Variants in IL1RAPL1 observed in about 807,000 individuals in gnomAD.
The protein encoded by IL1RAPL1 is interleukin 1 receptor accessory protein like 1, also known as interleukin-1 receptor accessory protein-like 1.
Under a neutral mutation model 48.4 loss-of-function variants are expected in IL1RAPL1, and 3 were observed. The ratio of observed to expected loss-of-function variants is 0.06; its 90% CI spans 0.03 to 0.16. IL1RAPL1 has a LOEUF of 0.16. Among genes scored for constraint, IL1RAPL1 ranks in the 10% least tolerant of loss-of-function variants. The probability of loss-of-function intolerance (pLI) is 1.00; values close to 1 mark genes in which losing one functional copy is unlikely to be tolerated. For synonymous variants in IL1RAPL1, 185 were observed against 187.7 expected, an observed-to-expected ratio of 0.99 and a Z score of 0.12; for missense variants, 349 against 530.6, an observed-to-expected ratio of 0.66 and a Z score of 3.36.
At chrX:29,839,519 A>C (rs1267685293) in intron 6 of IL1RAPL1, among the ~76,000 whole-genome samples, 1 of 112,498 alleles carries the variant, frequency 8.9e-6, no homozygotes, top group East Asian at 2.8e-4. Context: ...CTATGCATTA[A>C]CCTGGAGGAT....
At chrX:29,280,123 T>C (rs1411886821) in intron 2 of IL1RAPL1, among the ~76,000 whole-genome samples, 1 of 112,533 alleles carries the variant, frequency 8.9e-6, no homozygotes. Context: ...ATCAAAATTA[T>C]AACTGTTTAA....
intron 2 of IL1RAPL1, among the ~76,000 whole-genome samples, chrX:28,899,160 C>T (rs762912182): frequency 9.0e-6 from 1 of 111,205 alleles, no homozygotes; most frequent in Non-Finnish European, 1.9e-5. Context: ...CAAACACTTA[C>T]AAGACCATTA....
chrX:29,498,691 C>G (rs758910804), intron 5 of IL1RAPL1, among the ~76,000 whole-genome samples: 1 of 110,862 alleles, frequency 9.0e-6, no homozygotes, highest in African/African-American at 3.3e-5. Flanking sequence ...TTAAATAACC[C>G]GTTATTTTAT....
intron 2 of IL1RAPL1, among the ~76,000 whole-genome samples, chrX:28,997,507 A>G (rs753579180): frequency 3.6e-5 from 4 of 111,174 alleles, no homozygotes; most frequent in Non-Finnish European, 7.6e-5. Flanking sequence ...TTTATCATTT[A>G]ATCTTATATG....
chrX:28,726,623 ATACT>A (rs1303655625), intron 1 of IL1RAPL1, among the ~76,000 whole-genome samples: 17 of 112,410 alleles, frequency 1.5e-4, no homozygotes, highest in Non-Finnish European at 2.6e-4. Flanking sequence ...ATAATAAATG[ATACT>A]TACTGAGTGC....
intron 3 of IL1RAPL1, among the ~76,000 whole-genome samples, chrX:29,334,862 C>A (rs1285932827): frequency 5.3e-4 from 60 of 112,887 alleles, no homozygotes; most frequent in African/African-American, 1.7e-3. Context: ...CTCCTCACTT[C>A]CCAGACGGGT....
intron 6 of IL1RAPL1, among the ~76,000 whole-genome samples, chrX:29,720,280 T>C (rs1927603269): frequency 8.9e-6 from 1 of 111,742 alleles, no homozygotes; most frequent in East Asian, 2.8e-4. Flanking sequence ...TATAAATTAT[T>C]CTACTATAAA....
At chrX:29,428,505 C>A (rs1032027246) in intron 5 of IL1RAPL1, among the ~76,000 whole-genome samples, 2 of 109,764 alleles carry the variant, frequency 1.8e-5, no homozygotes, top group Admixed American at 2.0e-4. Flanking sequence ...TCCATGCCGA[C>A]TGGAACTATC....
intron 2 of IL1RAPL1, among the ~76,000 whole-genome samples, chrX:28,933,482 C>G (rs1183663378): frequency 1.8e-5 from 2 of 111,811 alleles, no homozygotes; most frequent in African/African-American, 3.3e-5. Context: ...TTTTGTCCAT[C>G]ATTCAAATAG....
chrX:29,070,925 A>G (rs957884120), intron 2 of IL1RAPL1, among the ~76,000 whole-genome samples: 1 of 111,388 alleles, frequency 9.0e-6, no homozygotes, highest in Non-Finnish European at 1.9e-5. Flanking sequence ...TGCACAAAAA[A>G]CAGGGTCCTA....
intron 5 of IL1RAPL1, among the ~76,000 whole-genome samples, chrX:29,430,327 G>C (rs1343181560): frequency 9.0e-6 from 1 of 111,203 alleles, no homozygotes; most frequent in East Asian, 2.8e-4. Context: ...ATCCAAGGTA[G>C]AGAGTGGTAA....
intron 3 of IL1RAPL1, among the ~76,000 whole-genome samples, chrX:29,364,562 CAAAAAAAAAAAA>C (rs766680904): frequency 2.3e-5 from 1 of 43,581 alleles, no homozygotes; most frequent in Non-Finnish European, 4.1e-5. Context: ...GACTCTATCT[CAAAAAAAAAAAA>C]AAAAAAAAAG....
chrX:29,382,071 G>C (rs1933718604), intron 3 of IL1RAPL1, among the ~76,000 whole-genome samples: 1 of 109,462 alleles, frequency 9.1e-6, no homozygotes, highest in Admixed American at 9.8e-5. Flanking sequence ...TAATAGACTA[G>C]TGAACAGAAG....
At chrX:29,922,059 T>TGG (rs1027620138) in intron 8 of IL1RAPL1, among the ~76,000 whole-genome samples, 1 of 109,034 alleles carries the variant, frequency 9.2e-6, no homozygotes, top group African/African-American at 3.3e-5. Context: ...CAACATATTT[T>TGG]GGGGGGGGAC....
intron 1 of IL1RAPL1, chrX:28,659,393 G>A (rs1234495965): frequency 1.0e-4 from 54 of 541,972 alleles, no homozygotes; most frequent in Non-Finnish European, 1.6e-4. Flanking sequence ...ACTCTTGCAA[G>A]CGGCTTTTGT....
Position 28,868,098 on chromosome X carries a change from CA to C in IL1RAPL1, c.82+78681del, listed in dbSNP as rs764922491. Among the ~76,000 whole-genome samples the C allele has an allele frequency of 8.9e-3, 987 of 110,891 alleles. 15 individuals carry two copies. Among genetic ancestry groups the C allele is most frequent in the African/African-American group, 0.031 (942 of 30,545 alleles). Reference sequence around the variant, plus strand: ...ATATCAGTTTATGACAGTATAACTACAAAAAAAAGTATAGTCACCAAAGTAA... The same window carrying C: ...ATATCAGTTTATGACAGTATAACTACAAAAAAAGTATAGTCACCAAAGTAA... On this transcript the variant is annotated intron_variant, in intron 2 of 10. Coordinates refer to ENST00000378993, the MANE Select transcript of IL1RAPL1 (RefSeq NM_014271.4).
chrX:28,985,784 C>T (rs750748715), intron 2 of IL1RAPL1, among the ~76,000 whole-genome samples: 29 of 108,872 alleles, frequency 2.7e-4, no homozygotes, highest in African/African-American at 9.4e-4. Context: ...CTCAGCCTCC[C>T]GAGTAGCTGG....
At chrX:29,342,130 GTGTGTGTGTGTGTGTGTGTGTGTGTT>G (rs1933089175) in intron 3 of IL1RAPL1, among the ~76,000 whole-genome samples, 1 of 98,211 alleles carries the variant, frequency 1.0e-5, no homozygotes, top group Admixed American at 1.1e-4. Flanking sequence ...GTGTGTGTGT[GTGTGTGTGTGTGTGTGTGTGTGTGTT>G]TGTTTTGTTT....
chrX:29,564,082 C>A (rs1922323714), intron 5 of IL1RAPL1, among the ~76,000 whole-genome samples: 1 of 111,311 alleles, frequency 9.0e-6, no homozygotes, highest in Non-Finnish European at 1.9e-5. Flanking sequence ...CTAAACTGAT[C>A]TGAGTTAATT....
Sources: gnomAD v4.1 joint callset for allele counts (sites outside exome capture counted in the v4.1 genomes callset) on GRCh38, gnomAD v4.1.1 for gene constraint, MANE v1.5 for transcripts, NCBI Gene and HGNC (gene_info 2026-07-23, HGNC 2026-07-21) for gene names.